The following TRAF2 variants were observed in gnomAD, a reference collection of about 807,000 sequenced individuals.
TRAF2 encodes TNF receptor associated factor 2.
A neutral mutation model predicts 55.6 loss-of-function variants in TRAF2; 6 were observed. The ratio of observed to expected loss-of-function variants is 0.11; its 90% CI spans 0.06 to 0.21. TRAF2 has a LOEUF of 0.21. Among genes scored for constraint, TRAF2 ranks in the 10% least tolerant of loss-of-function variants. The pLI, the probability that TRAF2 is intolerant of heterozygous loss-of-function variation, is 1.00. For synonymous variants in TRAF2, 329 were observed against 276.3 expected (o/e 1.19, Z -1.89); for missense variants, 561 against 684.5 (o/e 0.82, Z 2.01).
rs1564419549 is a variant in TRAF2, at chr9:136,918,259, T to TA, written c.678+1644_678+1645insA. The stretch of plus-strand genomic sequence containing the variant: ...TATATATATATATATATATATATAT[T>TA]TATTTAATTAATTAATTTATTTATT... On this transcript the variant is annotated intron_variant, in intron 7 of 10. Coordinates refer to ENST00000247668, the MANE Select transcript of TRAF2 (RefSeq NM_021138.4). Among the ~76,000 whole-genome samples, 157 of 23,734 alleles carry TA rather than the reference T, an allele frequency of 6.6e-3. 2 individuals are homozygous for TA. The highest frequency in any genetic ancestry group is 0.024 in the African/African-American group (80 of 3,302). 15.6% of individuals were successfully genotyped at this position (23,734 alleles called of 152,430 possible).
intron 4 of TRAF2, among the ~76,000 whole-genome samples, chr9:136,905,922 G>A (rs1482375736): frequency 6.6e-6 from 1 of 152,176 alleles, no homozygotes; most frequent in African/African-American, 2.4e-5. Flanking sequence ...GGCTAACACG[G>A]TGAAACCCTG....
intron 1 of TRAF2, among the ~76,000 whole-genome samples, chr9:136,895,292 C>T (rs1849657273): frequency 1.3e-5 from 2 of 152,190 alleles, no homozygotes; most frequent in African/African-American, 4.8e-5. Context: ...TGCGGTTCTG[C>T]CTGGTGGGTG....
chr9:136,893,177 G>A (rs1292669176), intron 1 of TRAF2, among the ~76,000 whole-genome samples: 1 of 152,158 alleles, frequency 6.6e-6, no homozygotes, highest in East Asian at 1.9e-4. Context: ...ACCCACCTTC[G>A]AGAAAGTGGG....
At chr9:136,917,127 G>A (rs1850261838) in intron 7 of TRAF2, among the ~76,000 whole-genome samples, 1 of 152,158 alleles carries the variant, frequency 6.6e-6, no homozygotes, top group African/African-American at 2.4e-5. Flanking sequence ...TCACTGCCCT[G>A]TCCACATCAT....
rs764701854 is a variant in TRAF2 at position 136,918,227 on chromosome 9, TTATATATATATATATATA to T, written c.678+1626_678+1643del. Among the ~76,000 whole-genome samples the T allele has an allele frequency of 5.4e-3, 371 of 68,082 alleles. 3 individuals carry two copies. The highest frequency in any genetic ancestry group is 0.048 in the Middle Eastern group (8 of 166). The allele number at this position is 68,082 out of a possible 152,430, so 44.7% of individuals were successfully genotyped here. On this transcript the variant is annotated intron_variant, in intron 7 of 10. Coordinates refer to ENST00000247668, the MANE Select transcript of TRAF2 (RefSeq NM_021138.4). Reference sequence around the variant, plus strand: ...CTGTAATTTTTTTAGAGTGTTTTGTTTATATATATATATATATATATATATATATATTTATTTAATTAA... The same window carrying T: ...CTGTAATTTTTTTAGAGTGTTTTGTTTATATATATATATTTATTTAATTAA...
At chr9:136,887,242 G>C (rs1255491278) in intron 1 of TRAF2, among the ~76,000 whole-genome samples, 2 of 152,244 alleles carry the variant, frequency 1.3e-5, no homozygotes, top group Non-Finnish European at 2.9e-5. Flanking sequence ...CAGTAGCAGG[G>C]GATGTTTGTG....
At chr9:136,895,289 C>T (rs1386043370) in intron 1 of TRAF2, among the ~76,000 whole-genome samples, 1 of 152,206 alleles carries the variant, frequency 6.6e-6, no homozygotes, top group Non-Finnish European at 1.5e-5. Context: ...TGCTGCGGTT[C>T]TGCCTGGTGG....
intron 7 of TRAF2, among the ~76,000 whole-genome samples, chr9:136,917,470 C>T (rs1159949062): frequency 6.6e-6 from 1 of 152,188 alleles, no homozygotes; most frequent in Non-Finnish European, 1.5e-5. Context: ...TGTCTCTTGT[C>T]CGTCTTGCCC....
chr9:136,916,858 A>AGT (rs1362726708), intron 7 of TRAF2, among the ~76,000 whole-genome samples: 11 of 152,072 alleles, frequency 7.2e-5, no homozygotes, highest in Admixed American at 7.2e-4. Flanking sequence ...GAGGATGCCC[A>AGT]GTGTGTGTGC....
At chr9:136,903,269 A>G (rs1485229603) in intron 4 of TRAF2, among the ~76,000 whole-genome samples, 1 of 152,174 alleles carries the variant, frequency 6.6e-6, no homozygotes, top group Non-Finnish European at 1.5e-5. Context: ...TAATTTTAAA[A>G]CTTTAGGTAA....
upstream of TRAF2, chr9:136,886,421 G>A (rs1174220721): frequency 4.9e-5 from 49 of 998,610 alleles, no homozygotes; most frequent in Non-Finnish European, 5.4e-5. Flanking sequence ...CTTCCTGAGG[G>A]CTGGCTGGTT....
At chr9:136,903,454 T>C (rs7047374) in intron 4 of TRAF2, among the ~76,000 whole-genome samples, 115,988 of 151,902 alleles carry the variant, frequency 0.76, 44,550 homozygotes, top group East Asian at 0.87. Context: ...CTCGGCCTCA[T>C]GGACATTCTA....
chr9:136,892,662 C>T (rs1253017380), intron 1 of TRAF2, among the ~76,000 whole-genome samples: 1 of 151,944 alleles, frequency 6.6e-6, no homozygotes, highest in East Asian at 1.9e-4. Context: ...GGCAGATTAT[C>T]TGAGGTCAGG....
At chr9:136,883,527 T>C (rs1020574613), upstream of TRAF2, among the ~76,000 whole-genome samples, 2 of 152,120 alleles carry the variant, frequency 1.3e-5, no homozygotes, top group African/African-American at 4.8e-5. Flanking sequence ...ACCCCTTCTT[T>C]TTTCTTTGAG....
intron 4 of TRAF2, among the ~76,000 whole-genome samples, chr9:136,906,893 C>T (rs1849967000): frequency 6.6e-6 from 1 of 152,250 alleles, no homozygotes; most frequent in Admixed American, 6.5e-5. Context: ...CGTTCTTCCT[C>T]CTGTGACTGC....
At chr9:136,908,372 G>A (rs754302987) in intron 5 of TRAF2, 141 bp downstream of exon 5, 24 of 981,238 alleles carry the variant, frequency 2.4e-5, no homozygotes, top group Middle Eastern at 3.3e-4. Flanking sequence ...ACACGCGGGC[G>A]GATGTTTCTT....
chr9:136,916,431 G>A, intron 6 of TRAF2, 110 bp from the exon 7 acceptor site: 1 of 1,086,930 alleles, frequency 9.2e-7, no homozygotes, highest in Non-Finnish European at 1.4e-6. Context: ...GAGTGAAGAG[G>A]CCAACGGGGC....
intron 9 of TRAF2, among the ~76,000 whole-genome samples, chr9:136,922,952 C>CT (rs1321584191): frequency 6.7e-6 from 1 of 149,852 alleles, no homozygotes; most frequent in Non-Finnish European, 1.5e-5. Context: ...GAGGATGGGC[C>CT]TGGGGGCACG....
chr9:136,909,687 G>A (rs1850054014), intron 5 of TRAF2, among the ~76,000 whole-genome samples: 1 of 152,192 alleles, frequency 6.6e-6, no homozygotes, highest in African/African-American at 2.4e-5. Context: ...GGTGGCTTGG[G>A]TCTCCCTCGC....
Sources: gnomAD v4.1 joint callset for allele counts (sites outside exome capture counted in the v4.1 genomes callset) on GRCh38, gnomAD v4.1.1 for gene constraint, MANE v1.5 for transcripts, NCBI Gene and HGNC (gene_info 2026-07-23, HGNC 2026-07-21) for gene names.